The following CALCRL variants were observed in gnomAD, a reference collection of about 807,000 sequenced individuals.
CALCRL encodes calcitonin receptor like receptor.
Under a neutral mutation model 60.4 loss-of-function variants are expected in CALCRL, and 27 were observed. The observed-to-expected ratio is 0.45, with a 90% CI of 0.33 to 0.62. The LOEUF (loss-of-function observed/expected upper bound fraction) is 0.62. Among genes scored for constraint, CALCRL ranks in the 20% least tolerant of loss-of-function variants. The pLI is 0.03. For missense variants in CALCRL, 424 were observed against 540.7 expected (o/e 0.78, Z 2.14); for synonymous variants, 190 against 182.6 (o/e 1.04, Z -0.33).
At chr2:187,372,594 A>G (rs866990381) in intron 8 of CALCRL, among the ~76,000 whole-genome samples, 2 of 152,192 alleles carry the variant, frequency 1.3e-5, no homozygotes, top group African/African-American at 2.4e-5. Flanking sequence ...TAAATAAAAA[A>G]TAACAAACAG....
intron 8 of CALCRL, among the ~76,000 whole-genome samples, chr2:187,375,530 A>G (rs1315883612): frequency 2.0e-5 from 3 of 152,210 alleles, no homozygotes; most frequent in African/African-American, 7.2e-5. Flanking sequence ...TTGCCAATGT[A>G]GCATGTTATA....
At chr2:187,419,874 G>A (rs972953190) in intron 1 of CALCRL, among the ~76,000 whole-genome samples, 1 of 152,132 alleles carries the variant, frequency 6.6e-6, no homozygotes, top group Non-Finnish European at 1.5e-5. Flanking sequence ...AGCATATTAT[G>A]CCATTATAAA....
intron 1 of CALCRL, among the ~76,000 whole-genome samples, chr2:187,411,210 TA>T (rs1559067410): frequency 1.3e-5 from 2 of 152,146 alleles, no homozygotes; most frequent in Admixed American, 1.3e-4. Context: ...GAGGTAATCT[TA>T]AAAAAATTAA....
At position 187,346,014 on chromosome 2, in the gene CALCRL, T is replaced by C. The variant is rs1384145635; in HGVS notation, c.*170A>G. On this transcript the variant is annotated 3_prime_UTR_variant, in exon 15 of 15. Coordinates refer to ENST00000392370, the MANE Select transcript of CALCRL (RefSeq NM_005795.6). ...AAACCAGGATTTCTTTTTTCCCACA[T>C]AGAGCTGGATGTTACACTCTTATCA... The C allele has an allele frequency of 2.0e-6, 1 of 509,890 alleles. No individual in the cohort carries two copies. Among genetic ancestry groups the C allele is most frequent in the Middle Eastern group, 5.2e-4 (1 of 1,934 alleles). 31.6% of individuals were successfully genotyped at this position (509,890 alleles called of 1,614,324 possible).
At chr2:187,430,908 T>C (rs1690375721) in intron 1 of CALCRL, among the ~76,000 whole-genome samples, 1 of 152,040 alleles carries the variant, frequency 6.6e-6, no homozygotes, top group Non-Finnish European at 1.5e-5. Flanking sequence ...ATTATGGTTA[T>C]ATGTTTTATA....
At chr2:187,374,603 A>G (rs1356439876) in intron 8 of CALCRL, among the ~76,000 whole-genome samples, 2 of 152,096 alleles carry the variant, frequency 1.3e-5, no homozygotes, top group African/African-American at 4.8e-5. Flanking sequence ...TTCCTTTCTC[A>G]GTGTTCCCCA....
intron 8 of CALCRL, among the ~76,000 whole-genome samples, chr2:187,374,653 T>C (rs945482560): frequency 6.6e-6 from 1 of 152,138 alleles, no homozygotes; most frequent in Non-Finnish European, 1.5e-5. Context: ...TTTTTTGTTT[T>C]GTTTTGTTTA....
chr2:187,429,231 T>C (rs1690294248), intron 1 of CALCRL, among the ~76,000 whole-genome samples: 1 of 151,880 alleles, frequency 6.6e-6, no homozygotes, highest in South Asian at 2.1e-4. Context: ...GTCAGCTGTA[T>C]GATTACATAA....
intron 8 of CALCRL, among the ~76,000 whole-genome samples, chr2:187,372,323 T>A (rs1017393850): frequency 1.3e-5 from 2 of 151,934 alleles, no homozygotes. Context: ...AGTTTATTTT[T>A]TTTTTTTATC....
rs1414273317 is a variant in CALCRL at position 187,359,262 on chromosome 2, C to T, written c.792G>A (p.Leu264=). 1.3e-6 allele frequency: 2 copies of T among 1,548,998 alleles called. No individual in the cohort carries two copies. The highest frequency in any genetic ancestry group is 2.8e-5 in the African/African-American group (2 of 71,808). The change falls in exon 11 of 15, where the codon CTG becomes CTA. Residue 264 remains leucine, a synonymous_variant. Transcript: ENST00000392370. ...WYYFLGWGFP[L]IPACIHAIAR... ...CAATGGCATGTATACAAGCAGGAAT[C>T]AGTGGAAATCCTGTAATAACAAAAA...
At chr2:187,389,974 A>G (rs1052165315) in intron 1 of CALCRL, among the ~76,000 whole-genome samples, 2 of 152,176 alleles carry the variant, frequency 1.3e-5, no homozygotes, top group African/African-American at 2.4e-5. Flanking sequence ...GAATTAAAAC[A>G]TGAACCAGTA....
intron 8 of CALCRL, among the ~76,000 whole-genome samples, chr2:187,372,077 TATGCAACTTGGCTTC>T (rs1291308078): frequency 6.6e-6 from 1 of 152,110 alleles, no homozygotes; most frequent in Non-Finnish European, 1.5e-5. Context: ...TAGTTCCAAA[TATGCAACTTGGCTTC>T]TAAATTGTTT....
chr2:187,418,082 G>T (rs1392466967), intron 1 of CALCRL, among the ~76,000 whole-genome samples: 1 of 152,074 alleles, frequency 6.6e-6, no homozygotes, highest in Non-Finnish European at 1.5e-5. Context: ...AAAAAGCTTT[G>T]ACGTTTTCTG....
In CALCRL at chr2:187,351,297, A is replaced by AAAAAAAAAAAAAAG. The variant is rs1364127304; in HGVS notation, c.1170+622_1170+623insCTTTTTTTTTTTTT. ...GGGACTCCGTCTCAAAAAAAAAAAA[A>AAAAAAAAAAAAAAG]AAAGAAATATGTTACCAGCTTTCAA... On this transcript the variant is annotated intron_variant, in intron 14 of 14. Coordinates refer to ENST00000392370, the MANE Select transcript of CALCRL (RefSeq NM_005795.6). Among the ~76,000 whole-genome samples, 13 of 148,420 alleles carry AAAAAAAAAAAAAAG rather than the reference A, an allele frequency of 8.8e-5. 6 individuals are homozygous for AAAAAAAAAAAAAAG. The highest frequency in any genetic ancestry group is 2.7e-4 in the African/African-American group (11 of 40,062).
rs529078196 is a variant in CALCRL, at chr2:187,344,098, G to T, written c.*2086C>A. ...GATATATGTCAACATGGTCAGCAAA[G>T]GATTTAAATATGGGTCTTTGAATAA... On this transcript the variant is annotated 3_prime_UTR_variant, in exon 15 of 15. Transcript: ENST00000392370. 31 of 151,540 alleles carry T rather than the reference G, an allele frequency of 2.0e-4. No individual in the cohort carries two copies. The South Asian group carries it at 6.4e-3, about 31-fold the overall frequency. 9.4% of individuals were successfully genotyped at this position (151,540 alleles called of 1,614,324 possible).
intron 1 of CALCRL, among the ~76,000 whole-genome samples, chr2:187,426,830 A>G (rs1690158124): frequency 6.6e-6 from 1 of 152,150 alleles, no homozygotes; most frequent in Non-Finnish European, 1.5e-5. Flanking sequence ...GGCTGGTTTT[A>G]AAGTTTACAC....
chr2:187,432,517 AT>A (rs1221501567), intron 1 of CALCRL, among the ~76,000 whole-genome samples: 1 of 152,126 alleles, frequency 6.6e-6, no homozygotes, highest in East Asian at 1.9e-4. Context: ...ACCCTCAAAA[AT>A]ATTCAGAAAG....
At chr2:187,387,520 A>G (rs1688258411) in intron 2 of CALCRL, 27 bp from the exon 3 acceptor site, 2 of 342,826 alleles carry the variant, frequency 5.8e-6, no homozygotes, top group South Asian at 3.1e-4. Context: ...CCAAAATACC[A>G]TGAATCATTG....
intron 1 of CALCRL, among the ~76,000 whole-genome samples, chr2:187,429,263 AC>A (rs1382940219): frequency 6.6e-6 from 1 of 151,974 alleles, no homozygotes; most frequent in African/African-American, 2.4e-5. Flanking sequence ...CAAAAAAAAA[AC>A]CCTTGTAGTT....
Sources: gnomAD v4.1 joint callset for allele counts (sites outside exome capture counted in the v4.1 genomes callset) on GRCh38, gnomAD v4.1.1 for gene constraint, MANE v1.5 for transcripts, NCBI Gene and HGNC (gene_info 2026-07-23, HGNC 2026-07-21) for gene names.